The following MACROD2 variants were observed in gnomAD, a reference collection of about 807,000 sequenced individuals.
MACROD2 encodes ADP-ribose glycohydrolase MACROD2.
Under a neutral mutation model 70.4 loss-of-function variants are expected in MACROD2, and 36 were observed. The observed-to-expected ratio is 0.51, with a 90% confidence interval of 0.39 to 0.68. The LOEUF is 0.68. MACROD2 is among the 30% of genes least tolerant of loss of function. The probability of loss-of-function intolerance (pLI) is 0.00; values close to 1 mark genes in which losing one functional copy is unlikely to be tolerated. For synonymous variants in MACROD2, 172 were observed against 178.8 expected, an observed-to-expected ratio of 0.96 and a Z score of 0.30; for missense variants, 496 against 538.4, an observed-to-expected ratio of 0.92 and a Z score of 0.78.
intron 5 of MACROD2, among the ~76,000 whole-genome samples, chr20:14,847,638 C>A (rs2122299761): frequency 1.4e-5 from 2 of 142,362 alleles, no homozygotes; most frequent in South Asian, 2.2e-4. Context: ...TGACAGTCCC[C>A]CCTTTTAAAA....
intron 3 of MACROD2, among the ~76,000 whole-genome samples, chr20:14,306,220 T>A (rs969761244): frequency 2.6e-5 from 4 of 152,184 alleles, no homozygotes; most frequent in Non-Finnish European, 5.9e-5. Flanking sequence ...CTTCTCCTTT[T>A]GAAAATTCTC....
chr20:15,879,338 AT>A (rs1227423437), intron 9 of MACROD2, among the ~76,000 whole-genome samples: 4 of 151,904 alleles, frequency 2.6e-5, no homozygotes, highest in Admixed American at 2.0e-4. Flanking sequence ...TTTTTTTAAT[AT>A]TTTTTTGTTC....
chr20:15,950,428 A>G (rs1470662418), intron 12 of MACROD2, among the ~76,000 whole-genome samples: 4 of 152,186 alleles, frequency 2.6e-5, no homozygotes, highest in Admixed American at 6.6e-5. Context: ...AGGAGTCTCC[A>G]CAAGGCCACA....
chr20:15,237,968 T>A (rs1380396005), intron 6 of MACROD2, among the ~76,000 whole-genome samples: 1 of 152,196 alleles, frequency 6.6e-6, no homozygotes, highest in African/African-American at 2.4e-5. Flanking sequence ...GCTAGAATGA[T>A]GAGAACTGGG....
chr20:15,091,326 G>A (rs995796445), intron 5 of MACROD2, among the ~76,000 whole-genome samples: 6 of 151,392 alleles, frequency 4.0e-5, no homozygotes, highest in Non-Finnish European at 8.8e-5. Flanking sequence ...AAAAAGGTTA[G>A]GGAAGGACTT....
intron 5 of MACROD2, among the ~76,000 whole-genome samples, chr20:14,858,843 T>A (rs2073283365): frequency 6.6e-6 from 1 of 152,090 alleles, no homozygotes; most frequent in Non-Finnish European, 1.5e-5. Flanking sequence ...ATGGTGATAA[T>A]AGTAGTACTC....
At chr20:15,689,932 C>T (rs1331784229) in intron 8 of MACROD2, among the ~76,000 whole-genome samples, 1 of 152,204 alleles carries the variant, frequency 6.6e-6, no homozygotes, top group Admixed American at 6.5e-5. Context: ...TCTATCCCAA[C>T]CAAAGGCACA....
intron 9 of MACROD2, among the ~76,000 whole-genome samples, chr20:15,871,169 C>T (rs1437693080): frequency 1.2e-5 from 1 of 85,088 alleles, no homozygotes; most frequent in Admixed American, 1.4e-4. Context: ...GAGCGAGACT[C>T]CATCTCAAAA....
rs1191352453 is a variant in MACROD2 at position 14,751,887 on chromosome 20, A to G, written c.418+66928A>G. On this transcript the variant is annotated intron_variant, in intron 5 of 17. Coordinates refer to ENST00000684519, the MANE Select transcript of MACROD2 (RefSeq NM_001351661.2). ...GGGAAGAACTGGGGCCAAGAACATC[A>G]TCTACCATAATAATCTTACCTACCT... Among the ~76,000 whole-genome samples the G allele has an allele frequency of 2.0e-5, 3 of 152,100 alleles. No homozygotes were observed. In the East Asian group the frequency reaches 5.8e-4, roughly 29 times the overall value.
At chr20:15,915,840 C>T (rs1030373756) in intron 10 of MACROD2, among the ~76,000 whole-genome samples, 1 of 151,966 alleles carries the variant, frequency 6.6e-6, no homozygotes, top group Non-Finnish European at 1.5e-5. Flanking sequence ...GGGAGAGTGC[C>T]ATGGTGAAGA....
chr20:15,016,294 C>T (rs1287773028), intron 5 of MACROD2, among the ~76,000 whole-genome samples: 1 of 152,184 alleles, frequency 6.6e-6, no homozygotes, highest in Non-Finnish European at 1.5e-5. Flanking sequence ...TGTATCACTT[C>T]TCGGTCTAGA....
At chr20:15,479,982 A>C (rs2047074992) in intron 7 of MACROD2, among the ~76,000 whole-genome samples, 1 of 152,236 alleles carries the variant, frequency 6.6e-6, no homozygotes, top group African/African-American at 2.4e-5. Context: ...TAATATAAGT[A>C]AAGTATGATA....
chr20:15,186,186 G>T (rs1164997851), intron 5 of MACROD2, among the ~76,000 whole-genome samples: 1 of 151,980 alleles, frequency 6.6e-6, no homozygotes, highest in East Asian at 1.9e-4. Context: ...TCACATTTTG[G>T]GGGTATCTGC....
At chr20:14,433,917 T>C (rs568837629) in intron 3 of MACROD2, among the ~76,000 whole-genome samples, 1 of 151,014 alleles carries the variant, frequency 6.6e-6, no homozygotes, top group Non-Finnish European at 1.5e-5. Context: ...CTTGCATACA[T>C]AGTTAGTGTT....
chr20:15,085,435 C>T (rs1156772365), intron 5 of MACROD2, among the ~76,000 whole-genome samples: 1 of 151,830 alleles, frequency 6.6e-6, no homozygotes, highest in Non-Finnish European at 1.5e-5. Context: ...CTTCAAAGGA[C>T]ACAAGAAAAT....
At chr20:15,235,580 G>A (rs2077006756) in intron 6 of MACROD2, among the ~76,000 whole-genome samples, 3 of 152,200 alleles carry the variant, frequency 2.0e-5, no homozygotes, top group Non-Finnish European at 4.4e-5. Flanking sequence ...TTGTTCCACT[G>A]TAGTGTAGGT....
intron 9 of MACROD2, among the ~76,000 whole-genome samples, chr20:15,868,603 C>CTTTTTTTTTTTTTTTT (rs5840688): frequency 7.4e-6 from 1 of 135,566 alleles, no homozygotes; most frequent in Admixed American, 7.4e-5. Flanking sequence ...TAATACTTTT[C>CTTTTTTTTTTTTTTTT]TTTTTTTTTT....
intron 5 of MACROD2, among the ~76,000 whole-genome samples, chr20:14,805,792 C>CAAT (rs1201200837): frequency 6.6e-6 from 1 of 152,004 alleles, no homozygotes; most frequent in Non-Finnish European, 1.5e-5. Flanking sequence ...CTTTTAAGAG[C>CAAT]AATGGCTTAG....
intron 8 of MACROD2, among the ~76,000 whole-genome samples, chr20:15,530,369 TA>T (rs1224964961): frequency 6.6e-6 from 1 of 152,192 alleles, no homozygotes; most frequent in Non-Finnish European, 1.5e-5. Flanking sequence ...ACCATAATAC[TA>T]AGATTTCAGT....
Sources: gnomAD v4.1 joint callset for allele counts (sites outside exome capture counted in the v4.1 genomes callset) on GRCh38, gnomAD v4.1.1 for gene constraint, MANE v1.5 for transcripts, NCBI Gene and HGNC (gene_info 2026-07-23, HGNC 2026-07-21) for gene names.